Variants in HNRNPR observed in about 807,000 individuals in gnomAD.
HNRNPR encodes heterogeneous nuclear ribonucleoprotein R.
HNRNPR carries 4 observed loss-of-function variants against 70.3 expected under a neutral mutation model. The ratio of observed to expected loss-of-function variants is 0.06; its 90% CI spans 0.03 to 0.13. The LOEUF is 0.13. HNRNPR is among the 10% of genes least tolerant of loss of function. The pLI is 1.00. For synonymous variants in HNRNPR, 241 were observed against 267.6 expected (o/e 0.90, Z 0.97); for missense variants, 423 against 788.5 (o/e 0.54, Z 5.55).
chr1:23,331,022 A>G (rs1013568513), intron 5 of HNRNPR, among the ~76,000 whole-genome samples: 3 of 152,188 alleles, frequency 2.0e-5, no homozygotes, highest in Non-Finnish European at 4.4e-5. Flanking sequence ...CAATCTCATG[A>G]ACTTTAACTT....
At chr1:23,336,699 G>A (rs1646503684) in intron 4 of HNRNPR, among the ~76,000 whole-genome samples, 1 of 136,922 alleles carries the variant, frequency 7.3e-6, no homozygotes, top group Non-Finnish European at 1.5e-5. Context: ...GAAGTGAGCT[G>A]AGATGAGCTG....
Position 23,309,075 on chromosome 1 carries a change from A to G in HNRNPR, c.*1379T>C, listed in dbSNP as rs1006673450. The G allele has an allele frequency of 6.6e-6, 1 of 152,116 alleles. No homozygotes were observed. The highest frequency in any genetic ancestry group is 2.4e-5 in the African/African-American group (1 of 41,446). The allele number at this position is 152,116 out of a possible 1,614,324, so 9.4% of individuals were successfully genotyped here. On this transcript the variant is annotated 3_prime_UTR_variant, in exon 11 of 11. Coordinates refer to ENST00000302271, the MANE Select transcript of HNRNPR (RefSeq NM_005826.5). Reference sequence around the variant, plus strand: ...GTCATTAGAATAAATCAGAATTTCTAAAGGAAATAGGGAAATAGATGTTAT... The same window carrying G: ...GTCATTAGAATAAATCAGAATTTCTGAAGGAAATAGGGAAATAGATGTTAT...
Position 23,318,909 on chromosome 1 carries a change from A to G in HNRNPR, c.812-221T>C, listed in dbSNP as rs1645649220. Among the ~76,000 whole-genome samples, 1 of 152,236 alleles carries G rather than the reference A, an allele frequency of 6.6e-6. No individual in the cohort carries two copies. The highest frequency in any genetic ancestry group is 6.5e-5 in the Admixed American group (1 of 15,278). ...TTAGGGGTTCTGAAGGTACAGCCAT[A>G]TACAACAAATCTACTATATTCTGAC... is the stretch of plus-strand genomic sequence containing the variant. On this transcript the variant is annotated intron_variant, in intron 7 of 10. Transcript: ENST00000302271. This position sits in a 1 kb window ranked among gnomAD's most constrained non-coding sequence, Gnocchi z 4.2.
chr1:23,317,011 G>A (rs556086682), intron 8 of HNRNPR, among the ~76,000 whole-genome samples: 10 of 152,210 alleles, frequency 6.6e-5, no homozygotes, highest in African/African-American at 2.2e-4. Context: ...TACTTAGAAC[G>A]AGGGTTTGCC....
At chr1:23,319,186 TA>T (rs1436074534) in intron 7 of HNRNPR, among the ~76,000 whole-genome samples, 5 of 152,234 alleles carry the variant, frequency 3.3e-5, no homozygotes, top group Admixed American at 6.5e-5. Flanking sequence ...GTGTTCTTTC[TA>T]AATAATGTCA....
Position 23,340,907 on chromosome 1 carries a change from T to C in HNRNPR, c.102A>G (p.Ile34Met). 1 of 1,613,306 alleles carries C rather than the reference T, an allele frequency of 6.2e-7. No individual in the cohort carries two copies. ...VTHTEHYKTL[I>M]EAGLPQKVAE... The stretch of plus-strand genomic sequence containing the variant: ...CCACCTTCTGTGGGAGGCCTGCCTC[T>C]ATCAGTGTCTTGTAGTGTTCTGTGT... The change falls in exon 2 of 11, where the codon ATA becomes ATG. Residue 34 changes from isoleucine to methionine, a missense_variant. Ile to Met is a conservative substitution (Grantham distance 10). This residue lies in a region of HNRNPR where 44 missense variants were observed against 89.0 expected (regional missense o/e 0.49). Transcript: ENST00000302271.
At position 23,338,602 on chromosome 1, in the gene HNRNPR, A is replaced by G. The variant is rs773976274; in HGVS notation, c.164T>C (p.Val55Ala). ...TCTTTCATCAAGATCGACATAAGCT[A>G]CCAATCCTAAAAATTAAATTGAAAG... ...RLDEIFQTGL[V>A]AYVDLDERAI... Residue 55 changes from valine (V) to alanine (A), a missense_variant, in exon 3 of 11, where the codon GTA becomes GCA. Physicochemically the swap from Val to Ala is moderately conservative, Grantham distance 64. This residue lies in a region of HNRNPR where 44 missense variants were observed against 89.0 expected (regional missense o/e 0.49). Transcript: ENST00000302271. The G allele has an allele frequency of 3.9e-6, 6 of 1,551,932 alleles. No homozygotes were observed. The highest frequency in any genetic ancestry group is 5.3e-6 in the Non-Finnish European group (6 of 1,137,630).
intron 5 of HNRNPR, among the ~76,000 whole-genome samples, chr1:23,324,776 C>G (rs1290522143): frequency 6.6e-6 from 1 of 152,028 alleles, no homozygotes. Context: ...AAAAATTATA[C>G]AGTCAAAAAC....
chr1:23,338,101 A>G (rs1486480250), intron 3 of HNRNPR: 5 of 425,276 alleles, frequency 1.2e-5, no homozygotes, highest in Non-Finnish European at 2.1e-5. Context: ...ACTTGTTGAT[A>G]TGTGACTGTA....
At chr1:23,336,525 T>C (rs1646492052) in intron 4 of HNRNPR, among the ~76,000 whole-genome samples, 1 of 127,244 alleles carries the variant, frequency 7.9e-6, no homozygotes, top group Non-Finnish European at 1.5e-5. Flanking sequence ...TGAGCTGAGA[T>C]CGCGCCACTG....
intron 5 of HNRNPR, among the ~76,000 whole-genome samples, chr1:23,331,491 G>T (rs1372615488): frequency 6.6e-6 from 1 of 151,536 alleles, no homozygotes; most frequent in Non-Finnish European, 1.5e-5. Flanking sequence ...AGACCAGCCT[G>T]ACCAACATGG....
chr1:23,340,778 TAA>T (rs1646680390), intron 2 of HNRNPR, 72 bp downstream of exon 2: 2 of 1,234,212 alleles, frequency 1.6e-6, no homozygotes, highest in Admixed American at 4.6e-5. Context: ...TATTTAACCT[TAA>T]AAAACTATAA....
intron 1 of HNRNPR, among the ~76,000 whole-genome samples, chr1:23,343,176 T>C (rs1439395707): frequency 1.3e-5 from 2 of 152,208 alleles, no homozygotes; most frequent in Admixed American, 6.5e-5. Context: ...TGGAGTCATT[T>C]GATCTAAACA....
Position 23,322,896 on chromosome 1 carries a change from G to C in HNRNPR, c.675+660C>G, listed in dbSNP as rs183549734. 8.5e-5 allele frequency among the ~76,000 whole-genome samples: 13 copies of C among 152,306 alleles called. No homozygotes were observed. In the East Asian group the frequency reaches 1.3e-3, roughly 16 times the overall value. On this transcript the variant is annotated intron_variant, in intron 6 of 10. Coordinates refer to ENST00000302271, the MANE Select transcript of HNRNPR (RefSeq NM_005826.5). ...ATACAGCAGGAGTGAAGATACATTT[G>C]ATTTGCAGAACTTTGTTGCTACTAC... is the stretch of plus-strand genomic sequence containing the variant.
chr1:23,317,425 T>TC (rs1395781462), intron 8 of HNRNPR, among the ~76,000 whole-genome samples: 2 of 151,444 alleles, frequency 1.3e-5, no homozygotes, highest in Non-Finnish European at 2.9e-5. Flanking sequence ...GCCACTGCAC[T>TC]CCAGCCTGGG....
chr1:23,315,346 G>A (rs1645499421), intron 8 of HNRNPR, among the ~76,000 whole-genome samples: 1 of 151,322 alleles, frequency 6.6e-6, no homozygotes, highest in East Asian at 1.9e-4. Flanking sequence ...TGAGTTGTAG[G>A]ATAGGACAAC....
chr1:23,331,255 G>A (rs766262503), intron 5 of HNRNPR, among the ~76,000 whole-genome samples: 14 of 152,056 alleles, frequency 9.2e-5, no homozygotes, highest in South Asian at 2.1e-4. Flanking sequence ...TATTTGTTTC[G>A]AATTGGTTAT....
intron 1 of HNRNPR, 30 bp downstream of exon 1, chr1:23,344,181 C>T (rs1213814373): frequency 1.3e-5 from 2 of 152,172 alleles, no homozygotes; most frequent in African/African-American, 4.8e-5. Context: ...GCTCCCGGCC[C>T]CTCCCCCCAC....
intron 5 of HNRNPR, among the ~76,000 whole-genome samples, chr1:23,332,710 A>AC (rs1028140296): frequency 6.6e-5 from 10 of 151,182 alleles, no homozygotes; most frequent in East Asian, 5.8e-4. Context: ...TCAAAAAAAA[A>AC]AAAACAAAAC....
Sources: gnomAD v4.1 joint callset for allele counts (sites outside exome capture counted in the v4.1 genomes callset) on GRCh38, gnomAD v4.1.1 for gene constraint, gnomAD v4.1.1 regional missense constraint, Gnocchi (gnomAD v3.1) non-coding constraint, MANE v1.5 for transcripts, NCBI Gene and HGNC (gene_info 2026-07-23, HGNC 2026-07-21) for gene names.